Variants in GABRG3 observed in about 807,000 individuals in gnomAD.
GABRG3 encodes gamma-aminobutyric acid type A receptor subunit gamma3, also known as gamma-aminobutyric acid receptor subunit gamma-3.
In GABRG3, 25 loss-of-function variants were observed where a neutral mutation model predicts 48.8. The observed-to-expected ratio is 0.51, with a 90% CI of 0.37 to 0.72. The LOEUF (loss-of-function observed/expected upper bound fraction) is 0.72, where lower values mean the gene tolerates loss of function less well. Among genes scored for constraint, GABRG3 ranks in the 30% least tolerant of loss-of-function variants. The pLI is 0.00. For synonymous variants in GABRG3, 227 were observed against 217.6 expected (o/e 1.04, Z -0.38); for missense variants, 394 against 577.9 (o/e 0.68, Z 3.26).
In GABRG3 at chr15:27,535,574, TCA is replaced by T. The variant is rs1891529683; in HGVS notation, c.*2694_*2695del. 2.0e-5 allele frequency: 3 copies of T among 152,352 alleles called. No homozygotes were observed. The East Asian group carries it at 5.8e-4, about 29-fold the overall frequency. The allele number at this position is 152,352 out of a possible 1,614,324, so 9.4% of individuals were successfully genotyped here. A position where few individuals can be genotyped will look rare whatever the true frequency, so the allele number is the denominator to read the frequency against. ...TCCAATGGATTTCACTAACTGAGCA[TCA>T]TAGTGTGGATTCCTGCATATACAGC... On this transcript the variant is annotated 3_prime_UTR_variant, in exon 10 of 10. Transcript: ENST00000615808.
intron 6 of GABRG3, among the ~76,000 whole-genome samples, chr15:27,517,949 T>C (rs971872033): frequency 6.6e-6 from 1 of 152,186 alleles, no homozygotes; most frequent in African/African-American, 2.4e-5. Flanking sequence ...TCAACAACTC[T>C]AAATATTGCT....
At chr15:27,006,625 G>A (rs766399011) in intron 2 of GABRG3, among the ~76,000 whole-genome samples, 3 of 152,160 alleles carry the variant, frequency 2.0e-5, no homozygotes, top group African/African-American at 4.8e-5. Flanking sequence ...CATAGTAACC[G>A]ATAGGTAGTT....
At chr15:27,261,402 ATC>A (rs1394596083) in intron 3 of GABRG3, among the ~76,000 whole-genome samples, 1 of 151,756 alleles carries the variant, frequency 6.6e-6, no homozygotes, top group African/African-American at 2.4e-5. Flanking sequence ...GAAAGAATGA[ATC>A]TCTCCCCAGT....
chr15:27,031,463 T>C (rs1459618166), intron 3 of GABRG3, among the ~76,000 whole-genome samples: 3 of 152,206 alleles, frequency 2.0e-5, no homozygotes, highest in African/African-American at 7.2e-5. Flanking sequence ...TTTTAAAAAG[T>C]ACTGATACCA....
At chr15:27,223,829 A>G (rs1411508241) in intron 3 of GABRG3, among the ~76,000 whole-genome samples, 1 of 152,222 alleles carries the variant, frequency 6.6e-6, no homozygotes, top group Non-Finnish European at 1.5e-5. Context: ...CATTGCAGGC[A>G]CACTGATTGC....
chr15:26,973,027 G>A (rs977863680), intron 1 of GABRG3, among the ~76,000 whole-genome samples: 2 of 152,186 alleles, frequency 1.3e-5, no homozygotes, highest in African/African-American at 2.4e-5. Flanking sequence ...GAGATGGAGA[G>A]GGAGGCAGAC....
At chr15:27,204,582 A>G (rs1160761334) in intron 3 of GABRG3, among the ~76,000 whole-genome samples, 1 of 152,108 alleles carries the variant, frequency 6.6e-6, no homozygotes, top group Non-Finnish European at 1.5e-5. Context: ...AAAAAATGTT[A>G]TTGGTAGTTT....
chr15:27,308,639 A>C (rs544396208), intron 3 of GABRG3, among the ~76,000 whole-genome samples: 48 of 149,470 alleles, frequency 3.2e-4, no homozygotes, highest in Admixed American at 1.9e-3. Context: ...ATATAATGTA[A>C]ACATACGCTT....
intron 5 of GABRG3, among the ~76,000 whole-genome samples, chr15:27,459,821 A>G (rs936147067): frequency 6.6e-6 from 1 of 152,180 alleles, no homozygotes; most frequent in Admixed American, 6.5e-5. Flanking sequence ...TTTTGGTTCA[A>G]TTTTCAGAAG....
intron 5 of GABRG3, among the ~76,000 whole-genome samples, chr15:27,435,801 T>C (rs951077538): frequency 6.6e-6 from 1 of 152,166 alleles, no homozygotes; most frequent in Non-Finnish European, 1.5e-5. Context: ...TAGCCATTCT[T>C]TAAACATTTA....
chr15:27,040,166 G>A (rs1896251055), intron 3 of GABRG3, among the ~76,000 whole-genome samples: 1 of 152,258 alleles, frequency 6.6e-6, no homozygotes, highest in Admixed American at 6.5e-5. Flanking sequence ...GGGTCCAGAG[G>A]ACGCATTTCC....
intron 3 of GABRG3, among the ~76,000 whole-genome samples, chr15:27,194,696 T>G (rs1888438253): frequency 6.6e-6 from 1 of 152,208 alleles, no homozygotes; most frequent in Non-Finnish European, 1.5e-5. Flanking sequence ...ATTTTTTACC[T>G]TATTTTTCAT....
At chr15:27,256,057 G>T (rs1414317237) in intron 3 of GABRG3, among the ~76,000 whole-genome samples, 1 of 152,104 alleles carries the variant, frequency 6.6e-6, no homozygotes, top group Non-Finnish European at 1.5e-5. Context: ...GGATGGGGAG[G>T]TTATACTGGA....
At chr15:27,028,135 G>A (rs1346817354) in intron 3 of GABRG3, among the ~76,000 whole-genome samples, 1 of 152,190 alleles carries the variant, frequency 6.6e-6, no homozygotes, top group Non-Finnish European at 1.5e-5. Flanking sequence ...GGAAATCACG[G>A]GCTGCAGAGA....
chr15:27,092,217 A>G (rs912629310), intron 3 of GABRG3, among the ~76,000 whole-genome samples: 2 of 152,092 alleles, frequency 1.3e-5, no homozygotes, highest in African/African-American at 4.8e-5. Flanking sequence ...TCATTCTGTT[A>G]TGACTCAGTT....
intron 1 of GABRG3, 120 bp downstream of exon 1, chr15:26,971,708 C>G (rs1038727691): frequency 8.7e-7 from 1 of 1,148,900 alleles, no homozygotes; most frequent in Non-Finnish European, 1.2e-6. Flanking sequence ...CACGGCGGGC[C>G]GGGAGGGGAC....
intron 3 of GABRG3, among the ~76,000 whole-genome samples, chr15:27,075,534 G>A (rs112602663): frequency 1.5e-3 from 230 of 152,168 alleles, no homozygotes; most frequent in African/African-American, 5.3e-3. Flanking sequence ...TTGTACATTC[G>A]GCAGAGAACT....
intron 3 of GABRG3, among the ~76,000 whole-genome samples, chr15:27,281,139 T>C (rs756252542): frequency 1.3e-5 from 2 of 152,174 alleles, no homozygotes; most frequent in African/African-American, 4.8e-5. Flanking sequence ...TTCTGTTGAT[T>C]AATGCTTGCA....
At chr15:27,255,897 CT>C (rs1555413003) in intron 3 of GABRG3, among the ~76,000 whole-genome samples, 4 of 151,510 alleles carry the variant, frequency 2.6e-5, no homozygotes, top group African/African-American at 9.8e-5. Flanking sequence ...TGTTTAGTGA[CT>C]TTTTACCCAT....
Sources: allele counts gnomAD v4.1 joint callset (sites outside exome capture counted in the v4.1 genomes callset), GRCh38; gene constraint gnomAD v4.1.1; transcripts MANE v1.5; gene names NCBI Gene and HGNC (gene_info 2026-07-23, HGNC 2026-07-21).